RALYL: variants seen among roughly 807,000 people sequenced by gnomAD.
RALYL encodes the protein RNA-binding Raly-like protein.
Under a neutral mutation model 35.1 loss-of-function variants are expected in RALYL, and 29 were observed. That is an observed-to-expected ratio of 0.83 (90% CI 0.61 to 1.13). The LOEUF (loss-of-function observed/expected upper bound fraction) is 1.13. Among genes scored for constraint, RALYL ranks in the 50% most tolerant of loss-of-function variants. The probability of loss-of-function intolerance (pLI) is 0.00; values close to 1 mark genes in which losing one functional copy is unlikely to be tolerated. For missense variants in RALYL, 359 were observed against 360.4 expected (o/e 1.00, Z 0.03); for synonymous variants, 120 against 127.6 (o/e 0.94, Z 0.40).
chr8:84,229,903 A>T (rs552330977), intron 1 of RALYL, among the ~76,000 whole-genome samples: 2,517 of 152,306 alleles, frequency 0.017, 34 homozygotes, highest in South Asian at 0.047. Context: ...TTTGAAATAT[A>T]GGATAAGAAG....
intron 2 of RALYL, among the ~76,000 whole-genome samples, chr8:84,618,871 C>T (rs1178917248): frequency 2.9e-5 from 3 of 104,414 alleles, no homozygotes; most frequent in African/African-American, 1.2e-4. Flanking sequence ...CATTCAGGAG[C>T]AGGTTGTTCA....
rs1825650615 is a variant in RALYL at position 84,638,871 on chromosome 8, A to ATAT, written c.256+109294_256+109295insTAT. Among the ~76,000 whole-genome samples, 106 of 86,254 alleles carry ATAT rather than the reference A, an allele frequency of 1.2e-3. 10 individuals carry two copies. Among genetic ancestry groups the ATAT allele is most frequent in the African/African-American group, 3.1e-3 (41 of 13,218 alleles). The allele number at this position is 86,254 out of a possible 152,430, so 56.6% of individuals were successfully genotyped here. ...AATACGAGTATCTAATGCACGCATA[A>ATAT]ATATATATATATATATATATATATA... On this transcript the variant is annotated intron_variant, in intron 2 of 8. Transcript: ENST00000521268.
At chr8:84,292,177 A>G (rs1157698357) in intron 1 of RALYL, among the ~76,000 whole-genome samples, 1 of 152,140 alleles carries the variant, frequency 6.6e-6, no homozygotes, top group Non-Finnish European at 1.5e-5. Context: ...TGCTTGGAGA[A>G]TAGTTTGTGA....
At chr8:84,693,793 A>G (rs1838570969) in intron 2 of RALYL, among the ~76,000 whole-genome samples, 1 of 151,988 alleles carries the variant, frequency 6.6e-6, no homozygotes, top group Admixed American at 6.6e-5. Flanking sequence ...TATCCCTGGG[A>G]TATAAGAATC....
chr8:84,668,005 CTTTTTCCTTACTATTTTTA>C (rs1832422145), intron 2 of RALYL, among the ~76,000 whole-genome samples: 1 of 152,066 alleles, frequency 6.6e-6, no homozygotes, highest in Non-Finnish European at 1.5e-5. Context: ...TTTTAAAATT[CTTTTTCCTTACTATTTTTA>C]ATCCTCTAAG....
intron 3 of RALYL, among the ~76,000 whole-genome samples, chr8:84,798,438 C>T (rs1237441702): frequency 6.6e-6 from 1 of 152,152 alleles, no homozygotes; most frequent in Admixed American, 6.5e-5. Context: ...TTATTTCTCA[C>T]AGTAGCTCTT....
At chr8:84,443,502 G>A (rs2048546920) in intron 1 of RALYL, among the ~76,000 whole-genome samples, 1 of 152,156 alleles carries the variant, frequency 6.6e-6, no homozygotes, top group Admixed American at 6.5e-5. Context: ...TATGAACAAG[G>A]AATCTCATCA....
At chr8:84,919,793 G>A (rs1369376553) in intron 8 of RALYL, among the ~76,000 whole-genome samples, 1 of 152,068 alleles carries the variant, frequency 6.6e-6, no homozygotes, top group South Asian at 2.1e-4. Context: ...TTTTGTTTTA[G>A]ATCAGTTTAT....
intron 1 of RALYL, among the ~76,000 whole-genome samples, chr8:84,186,156 G>T (rs1273968448): frequency 6.6e-6 from 1 of 152,150 alleles, no homozygotes; most frequent in Non-Finnish European, 1.5e-5. Flanking sequence ...AAAGAAGATA[G>T]TTTATGTCAC....
chr8:84,401,131 T>G (rs1038895906), intron 1 of RALYL, among the ~76,000 whole-genome samples: 2 of 152,202 alleles, frequency 1.3e-5, no homozygotes, highest in East Asian at 3.9e-4. Flanking sequence ...ATCATATTCC[T>G]GTCAGCTCTA....
intron 1 of RALYL, among the ~76,000 whole-genome samples, chr8:84,214,968 T>C (rs1232052923): frequency 2.0e-5 from 3 of 151,950 alleles, no homozygotes; most frequent in Non-Finnish European, 2.9e-5. Flanking sequence ...TTCAGTGGCA[T>C]GATCTCCGCT....
At chr8:84,697,775 T>C (rs1216376179) in intron 2 of RALYL, among the ~76,000 whole-genome samples, 2 of 152,028 alleles carry the variant, frequency 1.3e-5, no homozygotes, top group African/African-American at 2.4e-5. Context: ...GTGTCTGTTT[T>C]TCCCCGCTAT....
intron 2 of RALYL, among the ~76,000 whole-genome samples, chr8:84,568,966 G>A (rs1807197510): frequency 6.7e-6 from 1 of 149,780 alleles, no homozygotes; most frequent in South Asian, 2.1e-4. Context: ...CAGATGAGTA[G>A]GTTGCGAAAA....
At chr8:84,823,665 C>T (rs1256187736) in intron 4 of RALYL, among the ~76,000 whole-genome samples, 1 of 152,052 alleles carries the variant, frequency 6.6e-6, no homozygotes, top group African/African-American at 2.4e-5. Context: ...TTCTCTCTCT[C>T]CTCCTTGACA....
In RALYL at chr8:84,332,615, A is replaced by G. The variant is rs372805691; in HGVS notation, c.-24+148191A>G. 1.4e-4 allele frequency among the ~76,000 whole-genome samples: 22 copies of G among 152,258 alleles called. No individual in the cohort carries two copies. The East Asian group carries it at 3.3e-3, about 23-fold the overall frequency. ...TTATCTCCATTTATATTTTGTGAAG[A>G]CCATTATTAATAATATTTCCCCTTT... On this transcript the variant is annotated intron_variant, in intron 1 of 8. Transcript: ENST00000521268.
chr8:84,875,774 G>A (rs1423139696), intron 7 of RALYL, among the ~76,000 whole-genome samples: 1 of 152,094 alleles, frequency 6.6e-6, no homozygotes, highest in Non-Finnish European at 1.5e-5. Flanking sequence ...ATTTTAAAAT[G>A]CTCAGTGGCT....
intron 1 of RALYL, among the ~76,000 whole-genome samples, chr8:84,493,356 G>A (rs770962314): frequency 5.9e-5 from 9 of 151,948 alleles, no homozygotes; most frequent in Non-Finnish European, 1.3e-4. Flanking sequence ...TTGCTATTGC[G>A]AATATTGCTG....
At chr8:84,753,743 G>T (rs1320492950) in intron 2 of RALYL, among the ~76,000 whole-genome samples, 2 of 152,026 alleles carry the variant, frequency 1.3e-5, no homozygotes, top group Non-Finnish European at 2.9e-5. Context: ...GTTTCTTGAG[G>T]CCTCCCCAGA....
chr8:84,292,321 C>T (rs535554015), intron 1 of RALYL, among the ~76,000 whole-genome samples: 54 of 152,096 alleles, frequency 3.6e-4, no homozygotes, highest in Non-Finnish European at 6.2e-4. Flanking sequence ...TTCTATTCTC[C>T]TCATATTTCT....
Sources: gnomAD v4.1 joint callset for allele counts (sites outside exome capture counted in the v4.1 genomes callset) on GRCh38, gnomAD v4.1.1 for gene constraint, MANE v1.5 for transcripts, NCBI Gene and HGNC (gene_info 2026-07-23, HGNC 2026-07-21) for gene names.